The following TCF7L2 variants were observed in gnomAD, a reference collection of about 807,000 sequenced individuals.
TCF7L2 encodes the protein transcription factor 7 like 2.
TCF7L2 carries 23 observed loss-of-function variants against 77.9 expected under a neutral mutation model. That is an observed-to-expected ratio of 0.30 (90% CI 0.21 to 0.42). TCF7L2 has a LOEUF of 0.42. Ranked by LOEUF, TCF7L2 falls within the 10% of genes least tolerant of loss-of-function variation. The probability of loss-of-function intolerance (pLI) is 1.00; values close to 1 mark genes in which losing one functional copy is unlikely to be tolerated. For missense variants in TCF7L2, 654 were observed against 793.1 expected, an observed-to-expected ratio of 0.82 and a Z score of 2.11; for synonymous variants, 413 against 340.2, an observed-to-expected ratio of 1.21 and a Z score of -2.36.
rs759221293 is a variant in TCF7L2, at chr10:113,165,988, C to A, written c.*16C>A. ...TTTAGAATAGCTTTAGCGTCGTGAA[C>A]CCCGCTGCTTTGTTTATGGTTTTGT... On this transcript the variant is annotated 3_prime_UTR_variant, in exon 14 of 14. Transcript: ENST00000627217. The A allele has an allele frequency of 2.7e-6, 4 of 1,480,792 alleles. No individual in the cohort carries two copies. Among genetic ancestry groups the A allele is most frequent in the Admixed American group, 4.8e-5 (2 of 41,620 alleles). 91.7% of individuals were successfully genotyped at this position (1,480,792 alleles called of 1,614,324 possible).
At chr10:112,992,299 G>A (rs114770437) in intron 4 of TCF7L2, among the ~76,000 whole-genome samples, 3,125 of 152,294 alleles carry the variant, frequency 0.021, 117 homozygotes, top group African/African-American at 0.071. Flanking sequence ...GTGAATGTGC[G>A]TCGGTAGCAT....
chr10:113,115,697 A>G (rs1211698578), intron 5 of TCF7L2, among the ~76,000 whole-genome samples: 1 of 152,182 alleles, frequency 6.6e-6, no homozygotes, highest in East Asian at 1.9e-4. Flanking sequence ...TTTGTAAATA[A>G]TAGATCAAGA....
At chr10:113,037,291 C>T (rs923093070) in intron 4 of TCF7L2, among the ~76,000 whole-genome samples, 3 of 152,070 alleles carry the variant, frequency 2.0e-5, no homozygotes, top group South Asian at 2.1e-4. Flanking sequence ...GTGTACCCAG[C>T]GGTTCTGTGG....
At position 113,150,987 on chromosome 10, in the gene TCF7L2, C is replaced by G. The variant is rs1229299851; in HGVS notation, c.876-11C>G. 4 of 1,613,552 alleles carry G rather than the reference C, an allele frequency of 2.5e-6. No homozygotes were observed. The highest frequency in any genetic ancestry group is 3.4e-6 in the Non-Finnish European group (4 of 1,179,894). The stretch of plus-strand genomic sequence containing the variant: ...TGATTCTGACGATTTACACAGCTTT[C>G]TGTCTTCTAGGTTCCCTCCCCATAT... On this transcript the variant is annotated splice_polypyrimidine_tract_variant and intron_variant, in intron 8 of 13. Transcript: ENST00000627217.
chr10:113,073,099 C>CGTGT (rs71489997), intron 5 of TCF7L2, among the ~76,000 whole-genome samples: 1,175 of 103,982 alleles, frequency 0.011, 22 homozygotes, highest in African/African-American at 0.04. Context: ...AGGGCCAGGT[C>CGTGT]GTGTGTGTGT....
intron 5 of TCF7L2, among the ~76,000 whole-genome samples, chr10:113,080,453 G>C (rs1480834887): frequency 6.6e-6 from 1 of 152,032 alleles, no homozygotes; most frequent in Non-Finnish European, 1.5e-5. Context: ...CATATACTGG[G>C]GCAAGTATTG....
intron 5 of TCF7L2, among the ~76,000 whole-genome samples, chr10:113,097,546 G>A (rs750071847): frequency 6.6e-6 from 1 of 150,752 alleles, no homozygotes; most frequent in Non-Finnish European, 1.5e-5. Context: ...CCAGCTCCTC[G>A]GGAGGCCGAG....
At chr10:112,962,716 A>G (rs975088200) in intron 3 of TCF7L2, among the ~76,000 whole-genome samples, 10 of 152,240 alleles carry the variant, frequency 6.6e-5, no homozygotes, top group Non-Finnish European at 8.8e-5. Flanking sequence ...TTCCTGCCTC[A>G]GCCTCCTGAG....
intron 5 of TCF7L2, among the ~76,000 whole-genome samples, chr10:113,135,201 C>T (rs1293113591): frequency 6.6e-6 from 1 of 152,144 alleles, no homozygotes; most frequent in Admixed American, 6.5e-5. Flanking sequence ...TGTGTGGGCG[C>T]TTGGCGATGA....
At chr10:113,136,175 G>T (rs1414478371) in intron 5 of TCF7L2, among the ~76,000 whole-genome samples, 2 of 152,204 alleles carry the variant, frequency 1.3e-5, no homozygotes, top group Non-Finnish European at 2.9e-5. Context: ...GGCTCGTTGT[G>T]AGGATTTCCT....
chr10:113,027,486 T>C (rs1428196695), intron 4 of TCF7L2, among the ~76,000 whole-genome samples: 1 of 152,196 alleles, frequency 6.6e-6, no homozygotes, highest in African/African-American at 2.4e-5. Context: ...TAATATCCAT[T>C]GTTCTCTTCT....
intron 5 of TCF7L2, among the ~76,000 whole-genome samples, chr10:113,076,135 CA>C (rs34089010): frequency 0.03 from 1,987 of 65,938 alleles, 24 homozygotes; most frequent in African/African-American, 0.086. Flanking sequence ...GACTCCATCT[CA>C]AAAAAAAAAA....
At chr10:113,042,198 C>T (rs2134312892) in intron 5 of TCF7L2, among the ~76,000 whole-genome samples, 1 of 152,318 alleles carries the variant, frequency 6.6e-6, no homozygotes, top group Middle Eastern at 3.4e-3. Flanking sequence ...CCTTCCAGAG[C>T]CTGTGTGGAT....
At chr10:112,981,237 G>A (rs1007842853) in intron 4 of TCF7L2, among the ~76,000 whole-genome samples, 8 of 151,716 alleles carry the variant, frequency 5.3e-5, no homozygotes, top group African/African-American at 1.9e-4. Context: ...TTGGCACTCA[G>A]GGCTTGAATT....
At chr10:113,002,260 G>T (rs1021333551) in intron 4 of TCF7L2, among the ~76,000 whole-genome samples, 1 of 152,202 alleles carries the variant, frequency 6.6e-6, no homozygotes, top group South Asian at 2.1e-4. Flanking sequence ...CCTGACCAAA[G>T]AAGCTAGATG....
chr10:113,017,257 A>G (rs993392573), intron 4 of TCF7L2, among the ~76,000 whole-genome samples: 3 of 152,232 alleles, frequency 2.0e-5, no homozygotes, highest in Non-Finnish European at 4.4e-5. Flanking sequence ...TATCTGGGGC[A>G]GAGCCTGAGA....
At position 113,160,157 on chromosome 10, in the gene TCF7L2, C is replaced by T. The variant is rs1347795445; in HGVS notation, c.1319-462C>T. On this transcript the variant is annotated intron_variant, in intron 12 of 13. Coordinates refer to ENST00000627217, the MANE Select transcript of TCF7L2 (RefSeq NM_001146274.2). ...GGGTTCTATGAGGGATGTGCTTGTT[C>T]TCCTGCTGCTGCCAGCCAAAATGCC... Among the ~76,000 whole-genome samples the T allele has an allele frequency of 3.3e-5, 5 of 151,880 alleles. 1 individual carries two copies. The highest frequency in any genetic ancestry group is 2.6e-4 in the Admixed American group (4 of 15,248).
At position 113,037,228 on chromosome 10, in the gene TCF7L2, C is replaced by T. The variant is rs557219249; in HGVS notation, c.451-2797C>T. ...ACATAATACTTATTTCCCCAAAAGG[C>T]ACTTCATCAGCCTGAATGCCAGTTA... On this transcript the variant is annotated intron_variant, in intron 4 of 13. Coordinates refer to ENST00000627217, the MANE Select transcript of TCF7L2 (RefSeq NM_001146274.2). Among the ~76,000 whole-genome samples, 5 of 152,266 alleles carry T rather than the reference C, an allele frequency of 3.3e-5. No individual in the cohort carries two copies. The South Asian group carries it at 6.2e-4, about 19-fold the overall frequency.
intron 4 of TCF7L2, among the ~76,000 whole-genome samples, chr10:113,008,021 G>A (rs1365267648): frequency 1.3e-5 from 2 of 152,208 alleles, no homozygotes; most frequent in Admixed American, 6.5e-5. Flanking sequence ...CGATGAGAGG[G>A]CCTCAGGGCT....
Sources: allele counts gnomAD v4.1 joint callset (sites outside exome capture counted in the v4.1 genomes callset), GRCh38; gene constraint gnomAD v4.1.1; transcripts MANE v1.5; gene names NCBI Gene and HGNC (gene_info 2026-07-23, HGNC 2026-07-21).